The following RXYLT1 variants were observed in gnomAD, a reference collection of about 807,000 sequenced individuals.
RXYLT1 encodes the protein ribitol xylosyltransferase 1, also known as ribitol-5-phosphate xylosyltransferase 1.
In RXYLT1, 41 loss-of-function variants were observed where a neutral mutation model predicts 43.5. That is an observed-to-expected ratio of 0.94 (90% CI 0.73 to 1.22). RXYLT1 has a LOEUF of 1.22. RXYLT1 is among the 50% of genes most tolerant of loss of function. The probability of loss-of-function intolerance (pLI) is 0.00; values close to 1 mark genes in which losing one functional copy is unlikely to be tolerated. For synonymous variants in RXYLT1, 166 were observed against 194.4 expected (o/e 0.85, Z 1.21); for missense variants, 514 against 532.0 (o/e 0.97, Z 0.33).
chr12:63,795,281 A>G (rs2136227626), intron 3 of RXYLT1, among the ~76,000 whole-genome samples: 1 of 150,782 alleles, frequency 6.6e-6, no homozygotes, highest in Non-Finnish European at 1.5e-5. Context: ...CCTGTGTCAA[A>G]AAAAAAGAAG....
chr12:63,799,935 A>C (rs1207596280), intron 3 of RXYLT1, among the ~76,000 whole-genome samples: 1 of 152,164 alleles, frequency 6.6e-6, no homozygotes, highest in Non-Finnish European at 1.5e-5. Context: ...ATATTGTCTT[A>C]AATTACTAGG....
At chr12:63,794,738 A>G (rs1897990859) in intron 3 of RXYLT1, among the ~76,000 whole-genome samples, 1 of 150,760 alleles carries the variant, frequency 6.6e-6, no homozygotes, top group South Asian at 2.1e-4. Flanking sequence ...GGATCACTTG[A>G]GCCTAGGAGT....
At chr12:63,800,048 T>G (rs573646522) in intron 3 of RXYLT1, among the ~76,000 whole-genome samples, 1 of 152,336 alleles carries the variant, frequency 6.6e-6, no homozygotes, top group African/African-American at 2.4e-5. Flanking sequence ...AATTTTAGAA[T>G]AATGTCATAT....
In RXYLT1 at chr12:63,808,925, T is replaced by C; in HGVS notation, c.1165T>C (p.Trp389Arg). The C allele has an allele frequency of 6.2e-7, 1 of 1,613,988 alleles. No individual in the cohort carries two copies. Among genetic ancestry groups the C allele is most frequent in the Non-Finnish European group, 8.5e-7 (1 of 1,180,002 alleles). Reference sequence around the variant, plus strand: ...TGCTCCCTTTATCTTTATCAAGAACTGGAAGGAACTCCCTGCTGTTTTAGA... The same window carrying C: ...TGCTCCCTTTATCTTTATCAAGAACCGGAAGGAACTCCCTGCTGTTTTAGA... Reference protein sequence around the residue: ...MGAPFIFIKNWKELPAVLEKE... With the variant: ...MGAPFIFIKNRKELPAVLEKE... Residue 389 changes from tryptophan (W) to arginine (R), a missense_variant, in exon 6 of 6, where the codon TGG (tryptophan) becomes CGG (arginine). Physicochemically the swap from Trp to Arg is moderately radical, Grantham distance 101. Coordinates refer to ENST00000261234, the MANE Select transcript of RXYLT1 (RefSeq NM_014254.3).
At chr12:63,790,764 G>T (rs1221758516) in intron 3 of RXYLT1, among the ~76,000 whole-genome samples, 1 of 152,092 alleles carries the variant, frequency 6.6e-6, no homozygotes, top group Non-Finnish European at 1.5e-5. Context: ...ACCTGGCCTA[G>T]TTCAAATTCT....
At chr12:63,796,963 C>CTT (rs776895611) in intron 3 of RXYLT1, among the ~76,000 whole-genome samples, 52 of 132,308 alleles carry the variant, frequency 3.9e-4, no homozygotes, top group Middle Eastern at 4.1e-3. Context: ...TTTTCTTTTT[C>CTT]TTTTTTTTTT....
At chr12:63,789,426 T>G (rs999303541) in intron 3 of RXYLT1, among the ~76,000 whole-genome samples, 2 of 152,090 alleles carry the variant, frequency 1.3e-5, no homozygotes, top group Non-Finnish European at 2.9e-5. Context: ...ACCGGGCACC[T>G]CCCACAACAT....
chr12:63,798,851 A>T (rs1266827468), intron 3 of RXYLT1, among the ~76,000 whole-genome samples: 1 of 152,198 alleles, frequency 6.6e-6, no homozygotes, highest in African/African-American at 2.4e-5. Context: ...AATATTTGTG[A>T]TTAGTTAAGA....
At chr12:63,784,727 T>C (rs1897761631) in intron 2 of RXYLT1, among the ~76,000 whole-genome samples, 2 of 152,332 alleles carry the variant, frequency 1.3e-5, no homozygotes, top group South Asian at 4.1e-4. Context: ...GAGAGGTCTT[T>C]AATATTAACT....
intron 3 of RXYLT1, among the ~76,000 whole-genome samples, chr12:63,792,687 A>G (rs1897944604): frequency 6.6e-6 from 1 of 152,204 alleles, no homozygotes; most frequent in South Asian, 2.1e-4. Flanking sequence ...GCTTTTACAG[A>G]TATTAGCTCA....
At chr12:63,802,048 A>T (rs1266256945) in intron 3 of RXYLT1, 43 bp from the exon 4 acceptor site, 1 of 1,511,596 alleles carries the variant, frequency 6.6e-7, no homozygotes, top group Non-Finnish European at 8.9e-7. Context: ...ACCTTTGTTC[A>T]GGCTTTGTTT....
At chr12:63,781,286 T>C (rs1897678427) in intron 2 of RXYLT1, 112 bp downstream of exon 2, 3 of 1,162,618 alleles carry the variant, frequency 2.6e-6, no homozygotes, top group Non-Finnish European at 3.4e-6. Flanking sequence ...TAAGGCATCA[T>C]GATATATTTT....
At chr12:63,789,467 G>A (rs932516616) in intron 3 of RXYLT1, among the ~76,000 whole-genome samples, 5 of 152,280 alleles carry the variant, frequency 3.3e-5, no homozygotes, top group African/African-American at 9.6e-5. Context: ...AGTTCAAGAT[G>A]AGATTTGGGT....
chr12:63,805,568 C>G, intron 5 of RXYLT1, 164 bp downstream of exon 5: 3 of 615,216 alleles, frequency 4.9e-6, no homozygotes, highest in Non-Finnish European at 7.6e-6. Context: ...GGGTTGTACA[C>G]ATTTAGAATA....
intron 1 of RXYLT1, chr12:63,780,377 T>G (rs1897650912): frequency 7.8e-7 from 1 of 1,285,766 alleles, no homozygotes; most frequent in East Asian, 3.3e-5. Context: ...CGCACGCCTT[T>G]CAAACACGTG....
At chr12:63,787,106 A>G (rs1399607070) in intron 3 of RXYLT1, among the ~76,000 whole-genome samples, 1 of 151,998 alleles carries the variant, frequency 6.6e-6, no homozygotes, top group East Asian at 1.9e-4. Flanking sequence ...AGAATGAGTC[A>G]AAGAAAAAAA....
intron 3 of RXYLT1, among the ~76,000 whole-genome samples, chr12:63,796,829 T>C (rs963214241): frequency 5.9e-5 from 9 of 151,950 alleles, no homozygotes; most frequent in African/African-American, 2.2e-4. Context: ...AAGACTTTAA[T>C]GTTGACCATT....
chr12:63,793,777 T>C (rs1370885244), intron 3 of RXYLT1, among the ~76,000 whole-genome samples: 1 of 152,204 alleles, frequency 6.6e-6, no homozygotes, highest in Non-Finnish European at 1.5e-5. Flanking sequence ...TAGGATAGTA[T>C]TATATTATTT....
chr12:63,804,584 G>A (rs924401080), intron 4 of RXYLT1: 2 of 152,036 alleles, frequency 1.3e-5, no homozygotes, highest in Non-Finnish European at 2.9e-5. Context: ...GGGTACAAAT[G>A]ATGTTTTGAA....
Sources: gnomAD v4.1 joint callset for allele counts (sites outside exome capture counted in the v4.1 genomes callset) on GRCh38, gnomAD v4.1.1 for gene constraint, MANE v1.5 for transcripts, NCBI Gene and HGNC (gene_info 2026-07-23, HGNC 2026-07-21) for gene names.